The following ATE1 variants were observed in gnomAD, a reference collection of about 807,000 sequenced individuals.
The protein encoded by ATE1 is arginyltransferase 1, also known as arginyl-tRNA--protein transferase 1.
ATE1 carries 36 observed loss-of-function variants against 70.5 expected under a neutral mutation model. The observed-to-expected ratio is 0.51, with a 90% CI of 0.39 to 0.67. ATE1 has a LOEUF of 0.67. Among genes scored for constraint, ATE1 ranks in the 30% least tolerant of loss-of-function variants. The pLI is 0.00. For missense variants in ATE1, 593 were observed against 629.5 expected, an observed-to-expected ratio of 0.94 and a Z score of 0.62; for synonymous variants, 232 against 219.3, an observed-to-expected ratio of 1.06 and a Z score of -0.51.
intron 10 of ATE1, among the ~76,000 whole-genome samples, chr10:121,828,356 A>G (rs1391790483): frequency 6.6e-6 from 1 of 152,132 alleles, no homozygotes; most frequent in African/African-American, 2.4e-5. Flanking sequence ...ACAATAACTT[A>G]TTATTCCTCA....
At chr10:121,815,357 C>CG (rs1193283461) in intron 10 of ATE1, among the ~76,000 whole-genome samples, 1 of 152,054 alleles carries the variant, frequency 6.6e-6, no homozygotes, top group Non-Finnish European at 1.5e-5. Context: ...AGGATGGTGT[C>CG]ATCTCCTGAC....
At chr10:121,843,133 A>T (rs1468877592) in intron 8 of ATE1, among the ~76,000 whole-genome samples, 1 of 152,216 alleles carries the variant, frequency 6.6e-6, no homozygotes, top group African/African-American at 2.4e-5. Flanking sequence ...AAGGTCCCAG[A>T]ATACAAGGGT....
intron 11 of ATE1, among the ~76,000 whole-genome samples, chr10:121,762,522 C>A (rs772594972): frequency 5.3e-5 from 8 of 152,168 alleles, no homozygotes; most frequent in Non-Finnish European, 8.8e-5. Context: ...CTGCCCACCC[C>A]CACCCCTGTG....
Position 121,832,357 on chromosome 10 carries a change from A to G in ATE1, c.1257+4361T>C, listed in dbSNP as rs1948272264. 2.6e-5 allele frequency among the ~76,000 whole-genome samples: 4 copies of G among 152,324 alleles called. No individual in the cohort carries two copies. In the South Asian group the frequency reaches 8.3e-4, roughly 32 times the overall value. ...GCTGACAGACATCCCATGGCACAATATAAGATTTGTTACTTAAAGGTTCCC... is the reference window on the plus strand; with the variant it reads ...GCTGACAGACATCCCATGGCACAATGTAAGATTTGTTACTTAAAGGTTCCC... On this transcript the variant is annotated intron_variant, in intron 10 of 11. Transcript: ENST00000224652.
chr10:121,749,058 A>G (rs1283440784), intron 11 of ATE1, among the ~76,000 whole-genome samples: 3 of 152,184 alleles, frequency 2.0e-5, no homozygotes, highest in African/African-American at 7.2e-5. Context: ...TAGTTTTCCC[A>G]TGAACACACT....
intron 5 of ATE1, among the ~76,000 whole-genome samples, chr10:121,908,839 G>C (rs191535061): frequency 6.6e-6 from 1 of 152,290 alleles, no homozygotes; most frequent in Admixed American, 6.5e-5. Flanking sequence ...ATCTGATCAA[G>C]GCTCTATATC....
At chr10:121,808,676 C>T (rs1947195729) in intron 10 of ATE1, among the ~76,000 whole-genome samples, 2 of 152,074 alleles carry the variant, frequency 1.3e-5, no homozygotes, top group African/African-American at 4.8e-5. Context: ...TTTAAGTGAA[C>T]AGGGCTAACA....
At chr10:121,811,686 T>C (rs1947324260) in intron 10 of ATE1, among the ~76,000 whole-genome samples, 2 of 152,140 alleles carry the variant, frequency 1.3e-5, no homozygotes, top group African/African-American at 4.8e-5. Context: ...CCTACTAAAC[T>C]GACCCTAAAA....
At chr10:121,927,776 C>A in intron 1 of ATE1, 68 bp downstream of exon 1, 3 of 1,496,860 alleles carry the variant, frequency 2.0e-6, no homozygotes, top group Non-Finnish European at 1.8e-6. Flanking sequence ...CGCGTCCTCG[C>A]TGGGGGACCC....
intron 7 of ATE1, among the ~76,000 whole-genome samples, chr10:121,871,802 T>C (rs1949871007): frequency 6.6e-6 from 1 of 152,194 alleles, no homozygotes; most frequent in Admixed American, 6.5e-5. Flanking sequence ...AATATCAATA[T>C]GCAGTTCCAT....
intron 11 of ATE1, among the ~76,000 whole-genome samples, chr10:121,765,060 A>C (rs1453635379): frequency 6.6e-6 from 1 of 152,152 alleles, no homozygotes; most frequent in Non-Finnish European, 1.5e-5. Context: ...GAGAGTGCTT[A>C]CTGCTGCTTT....
At chr10:121,836,879 T>C (rs1948453489) in intron 9 of ATE1, 62 bp from the exon 10 acceptor site, 1 of 1,019,902 alleles carries the variant, frequency 9.8e-7, no homozygotes, top group Admixed American at 2.3e-5. Flanking sequence ...TACAAATATC[T>C]GTGTAATTTG....
At chr10:121,776,416 A>G (rs941377988) in intron 11 of ATE1, among the ~76,000 whole-genome samples, 5 of 152,210 alleles carry the variant, frequency 3.3e-5, no homozygotes, top group African/African-American at 1.2e-4. Context: ...TGAAGATGAA[A>G]TAAGATGATA....
intron 10 of ATE1, among the ~76,000 whole-genome samples, chr10:121,824,379 T>C (rs1947923685): frequency 6.6e-6 from 1 of 152,198 alleles, no homozygotes. Flanking sequence ...CCAACGTGTT[T>C]GGTCAGGAAA....
At chr10:121,863,829 G>A (rs913698683) in intron 8 of ATE1, among the ~76,000 whole-genome samples, 3 of 151,904 alleles carry the variant, frequency 2.0e-5, no homozygotes, top group Non-Finnish European at 4.4e-5. Context: ...GCCCTGGCTG[G>A]TTTCAAACTC....
intron 10 of ATE1, among the ~76,000 whole-genome samples, chr10:121,804,757 G>A (rs1947029246): frequency 6.7e-6 from 1 of 149,228 alleles, no homozygotes; most frequent in African/African-American, 2.5e-5. Context: ...AAGCTCGTAA[G>A]TCTGAAGATA....
Position 121,927,427 on chromosome 10 carries a change from C to T in ATE1, c.106+417G>A, listed in dbSNP as rs1261285852. The T allele has an allele frequency of 3.0e-6, 3 of 985,100 alleles. No homozygotes were observed. In the African/African-American group the frequency reaches 5.2e-5, roughly 17 times the overall value. The allele number at this position is 985,100 out of a possible 1,614,324, so 61.0% of individuals were successfully genotyped here. ...AAGTCTGATTCATACATGACCGGCA[C>T]CTGTGTGCACACCCACAGCTCCCTC... On this transcript the variant is annotated intron_variant, in intron 1 of 11. Coordinates refer to ENST00000224652, the MANE Select transcript of ATE1 (RefSeq NM_001001976.3).
At chr10:121,898,844 A>G (rs774577399) in intron 7 of ATE1, 3 of 1,613,638 alleles carry the variant, frequency 1.9e-6, no homozygotes, top group Non-Finnish European at 2.5e-6. Context: ...ACAATACCTC[A>G]GTCTTCCCAC....
At chr10:121,913,350 T>G (rs1434330920) in intron 4 of ATE1, among the ~76,000 whole-genome samples, 2 of 152,202 alleles carry the variant, frequency 1.3e-5, no homozygotes, top group Non-Finnish European at 2.9e-5. Context: ...TTTACTGAAG[T>G]AAAGCCTTAT....
Sources: allele counts gnomAD v4.1 joint callset (sites outside exome capture counted in the v4.1 genomes callset), GRCh38; gene constraint gnomAD v4.1.1; transcripts MANE v1.5; gene names NCBI Gene and HGNC (gene_info 2026-07-23, HGNC 2026-07-21).